RPS9: variants seen among roughly 807,000 people sequenced by gnomAD.
RPS9 encodes the protein small ribosomal subunit protein uS4.
RPS9 carries 1 observed loss-of-function variant against 16.9 expected under a neutral mutation model. The ratio of observed to expected loss-of-function variants is 0.06; its 90% CI spans 0.02 to 0.28. RPS9 has a LOEUF of 0.28. RPS9 is among the 10% of genes least tolerant of loss of function. The pLI, the probability that RPS9 is intolerant of heterozygous loss-of-function variation, is 1.00. For missense variants in RPS9, 137 were observed against 273.2 expected (o/e 0.50, Z 3.51); for synonymous variants, 106 against 110.9 (o/e 0.96, Z 0.28).
chr19:54,206,934 A>C, intron 4 of RPS9: 1 of 495,014 alleles, frequency 2.0e-6, no homozygotes, highest in East Asian at 3.6e-5. Flanking sequence ...TTGCGTTTAG[A>C]ATCTTCGCCC....
chr19:54,205,553 C>A lies in RPS9; in HGVS notation c.221-723C>A, dbSNP rs189510042. Among the ~76,000 whole-genome samples the A allele has an allele frequency of 5.3e-4, 81 of 152,170 alleles. No homozygotes were observed. In the East Asian group the frequency reaches 0.012, roughly 23 times the overall value. ...TGGCACGGAATGTGATTCAATCTCA[C>A]ATCTGCTTAATCAGAAGAGCTGTCT... is the stretch of plus-strand genomic sequence containing the variant. On this transcript the variant is annotated intron_variant, in intron 3 of 4. Transcript: ENST00000302907.
chr19:54,201,679 C>G, intron 3 of RPS9, 70 bp downstream of exon 3: 5 of 1,596,082 alleles, frequency 3.1e-6, no homozygotes, highest in Non-Finnish European at 4.3e-6. Flanking sequence ...CTTCTGTTGC[C>G]TCTGTTCCAG....
rs761962621 is a variant in RPS9 at position 54,206,397 on chromosome 19, C to T, written c.342C>T (p.Val114=). ...TAGAGAGACGCCTGCAGACCCAGGTCTTCAAGCTGGGCTTGGCCAAGTCCA... is the reference window on the plus strand; with the variant it reads ...TAGAGAGACGCCTGCAGACCCAGGTTTTCAAGCTGGGCTTGGCCAAGTCCA... ...DFLERRLQTQ[V]FKLGLAKSIH... Residue 114 remains valine, a synonymous_variant, in exon 4 of 5, where the codon GTC becomes GTT. Transcript: ENST00000302907. The T allele has an allele frequency of 1.2e-6, 2 of 1,614,256 alleles. No individual in the cohort carries two copies. Among genetic ancestry groups the T allele is most frequent in the East Asian group, 2.2e-5 (1 of 44,878 alleles).
intron 3 of RPS9, among the ~76,000 whole-genome samples, chr19:54,204,753 C>G (rs1413126509): frequency 6.6e-6 from 1 of 152,044 alleles, no homozygotes; most frequent in African/African-American, 2.4e-5. Context: ...GACAAAAAGG[C>G]GTGAAGTGTC....
At chr19:54,207,315 G>A (rs2077277532) in intron 4 of RPS9, 83 bp from the exon 5 acceptor site, 4 of 1,230,912 alleles carry the variant, frequency 3.2e-6, no homozygotes, top group Non-Finnish European at 4.6e-6. Flanking sequence ...CTCACGGGGT[G>A]GGTGGAGAGG....
At chr19:54,200,981 A>T in intron 1 of RPS9, 93 bp downstream of exon 1, 1 of 1,432,502 alleles carries the variant, frequency 7.0e-7, no homozygotes, top group Non-Finnish European at 9.1e-7. Context: ...AGACGTTAGG[A>T]AACAGAGCAG....
Position 54,202,323 on chromosome 19 carries a change from T to A in RPS9, c.220+714T>A, listed in dbSNP as rs2077087030. On this transcript the variant is annotated intron_variant, in intron 3 of 4. Transcript: ENST00000302907. ...GTCTTAGCCTCCTAAGTAGCTGGAATCACAGGCATGGGCCACCAAGCCTGG... is the reference window on the plus strand; with the variant it reads ...GTCTTAGCCTCCTAAGTAGCTGGAAACACAGGCATGGGCCACCAAGCCTGG... The A allele has an allele frequency of 5.1e-6, 3 of 584,656 alleles. No individual in the cohort carries two copies. In the South Asian group the frequency reaches 2.2e-4, roughly 44 times the overall value. The allele number at this position is 584,656 out of a possible 1,614,324, so 36.2% of individuals were successfully genotyped here.
chr19:54,207,312 G>T, intron 4 of RPS9, 86 bp from the exon 5 acceptor site: 3 of 1,207,242 alleles, frequency 2.5e-6, no homozygotes, highest in Non-Finnish European at 3.5e-6. Context: ...GGCCTCACGG[G>T]GTGGGTGGAG....
chr19:54,202,859 G>C lies in RPS9; in HGVS notation c.220+1250G>C, dbSNP rs144882269. On this transcript the variant is annotated intron_variant, in intron 3 of 4. Transcript: ENST00000302907. ...CACAGTTTGTCCCAGGCTTGCAGAT[G>C]TTAGAAGCTTTTTCTTTAAATAGGC... The C allele has an allele frequency of 2.6e-3, 2,594 of 985,404 alleles. 54 individuals carry two copies. In the African/African-American group the frequency reaches 0.039, roughly 15 times the overall value. 61.0% of individuals were successfully genotyped at this position (985,404 alleles called of 1,614,324 possible). A position where few individuals can be genotyped will look rare whatever the true frequency, so the allele number is the denominator to read the frequency against.
chr19:54,207,255 G>C, intron 4 of RPS9, 143 bp from the exon 5 acceptor site: 1 of 659,496 alleles, frequency 1.5e-6, no homozygotes. Context: ...GCGCACGTAG[G>C]ATCAGGTGCA....
chr19:54,203,181 T>A, intron 3 of RPS9: 2 of 931,502 alleles, frequency 2.1e-6, no homozygotes, highest in African/African-American at 1.8e-5. Context: ...CAATGAAACT[T>A]ACAGTCATGT....
chr19:54,201,669 C>T (rs2077057704), intron 3 of RPS9, 60 bp downstream of exon 3: 3 of 1,601,452 alleles, frequency 1.9e-6, no homozygotes, highest in Middle Eastern at 1.7e-4. Flanking sequence ...TTCATTCTCC[C>T]TTCTGTTGCC....
intron 3 of RPS9, 164 bp downstream of exon 3, chr19:54,201,773 T>C (rs17305311): frequency 0.37 from 527,771 of 1,407,672 alleles, 103,651 homozygotes; most frequent in East Asian, 0.42. Context: ...TGTATCTGGA[T>C]CAGTCTTTGC....
chr19:54,205,254 T>G (rs560971596), intron 3 of RPS9, among the ~76,000 whole-genome samples: 1 of 152,104 alleles, frequency 6.6e-6, no homozygotes, highest in East Asian at 1.9e-4. Context: ...GCCCTGGGGC[T>G]GTGGGCAAGG....
In RPS9 at chr19:54,202,823, C is replaced by T. The variant is rs553859100; in HGVS notation, c.220+1214C>T. ...TGAGAAAGTCCTGGCGCATGTTTAGCTACAGATTATCACAGTTTGTCCCAG... is the reference window on the plus strand; with the variant it reads ...TGAGAAAGTCCTGGCGCATGTTTAGTTACAGATTATCACAGTTTGTCCCAG... On this transcript the variant is annotated intron_variant, in intron 3 of 4. Coordinates refer to ENST00000302907, the MANE Select transcript of RPS9 (RefSeq NM_001013.4). 1.0e-5 allele frequency: 10 copies of T among 985,402 alleles called. No homozygotes were observed. The African/African-American group carries it at 1.4e-4, about 14-fold the overall frequency. 61.0% of individuals were successfully genotyped at this position (985,402 alleles called of 1,614,324 possible).
In RPS9 at chr19:54,206,364, G is replaced by A. The variant is rs201691172; in HGVS notation, c.309G>A (p.Glu103=). 5.3e-4 allele frequency: 854 copies of A among 1,614,216 alleles called. 10 individuals are homozygous for A. The South Asian group carries it at 8.9e-3, about 17-fold the overall frequency. The change falls in exon 4 of 5, where the codon GAG becomes GAA. Residue 103 remains glutamate, a synonymous_variant. Transcript: ENST00000302907. The part of the protein sequence containing the change: ...KLDYILGLKI[E]DFLERRLQTQ... ...ATTACATCCTGGGCCTGAAGATAGA[G>A]GATTTCTTAGAGAGACGCCTGCAGA...
At position 54,206,967 on chromosome 19, in the gene RPS9, G is replaced by C. The variant is rs144198715; in HGVS notation, c.408-431G>C. ...CCCCAGCCCTTCACTAACCCTGTGA[G>C]CCGTAGGCAGAGCCTTGTGTGTCAA... On this transcript the variant is annotated intron_variant, in intron 4 of 4. Coordinates refer to ENST00000302907, the MANE Select transcript of RPS9 (RefSeq NM_001013.4). The C allele has an allele frequency of 7.0e-4, 320 of 458,720 alleles. 1 individual carries two copies. Among genetic ancestry groups the C allele is most frequent in the Middle Eastern group, 4.2e-3 (7 of 1,676 alleles). The allele number at this position is 458,720 out of a possible 1,614,324, so 28.4% of individuals were successfully genotyped here.
chr19:54,201,142 C>G lies in RPS9; in HGVS notation c.-25-18C>G. On this transcript the variant is annotated intron_variant, in intron 1 of 4. Transcript: ENST00000302907. ...GCGCCGTTTGGATCCCTTACGCTCA[C>G]ACTTCTCTCCCGCGCAGGCGCAGAC... The G allele has an allele frequency of 6.2e-7, 1 of 1,612,256 alleles. No homozygotes were observed. The highest frequency in any genetic ancestry group is 8.5e-7 in the Non-Finnish European group (1 of 1,179,828).
chr19:54,202,751 C>T (rs866441352), intron 3 of RPS9: 5 of 985,302 alleles, frequency 5.1e-6, no homozygotes, highest in Admixed American at 6.2e-5. Context: ...GTCTCTACAC[C>T]TGAGCCCTGA....
Sources: allele counts gnomAD v4.1 joint callset (sites outside exome capture counted in the v4.1 genomes callset), GRCh38; gene constraint gnomAD v4.1.1; transcripts MANE v1.5; gene names NCBI Gene and HGNC (gene_info 2026-07-23, HGNC 2026-07-21).